Variants in TRPC7 observed in about 807,000 individuals in gnomAD.
The protein encoded by TRPC7 is short transient receptor potential channel 7.
A neutral mutation model predicts 90.1 loss-of-function variants in TRPC7; 42 were observed. The observed-to-expected ratio is 0.47, with a 90% CI of 0.36 to 0.60. TRPC7 has a LOEUF of 0.60. Ranked by LOEUF, TRPC7 falls within the 20% of genes least tolerant of loss-of-function variation. TRPC7 has a pLI of 0.00. For missense variants in TRPC7, 955 were observed against 1,112.3 expected (o/e 0.86, Z 2.01); for synonymous variants, 451 against 436.3 (o/e 1.03, Z -0.42).
chr5:136,340,178 A>T (rs1374024065), intron 2 of TRPC7, among the ~76,000 whole-genome samples: 1 of 152,226 alleles, frequency 6.6e-6, no homozygotes, highest in Non-Finnish European at 1.5e-5. Context: ...CACAACATGG[A>T]TGAACCTAGA....
At chr5:136,249,046 C>G (rs563491658) in intron 6 of TRPC7, among the ~76,000 whole-genome samples, 16 of 152,174 alleles carry the variant, frequency 1.1e-4, no homozygotes, top group Non-Finnish European at 2.1e-4. Flanking sequence ...ATTGAGAAAC[C>G]TAAATTAGCA....
At chr5:136,341,705 A>T (rs1330119951) in intron 2 of TRPC7, among the ~76,000 whole-genome samples, 1 of 152,228 alleles carries the variant, frequency 6.6e-6, no homozygotes, top group East Asian at 1.9e-4. Context: ...TTTATCCCTT[A>T]TTCCTGTACA....
At chr5:136,288,651 C>T (rs1259454524) in intron 3 of TRPC7, among the ~76,000 whole-genome samples, 3 of 152,198 alleles carry the variant, frequency 2.0e-5, no homozygotes, top group Non-Finnish European at 2.9e-5. Flanking sequence ...TTCTTAACTG[C>T]TACTCCACAC....
intron 2 of TRPC7, among the ~76,000 whole-genome samples, chr5:136,335,669 C>T (rs1759632232): frequency 6.6e-6 from 1 of 151,678 alleles, no homozygotes; most frequent in East Asian, 2.0e-4. Flanking sequence ...TTTGGGAGGC[C>T]GAGACGGGCA....
At chr5:136,358,049 C>T (rs2673929) in intron 1 of TRPC7, among the ~76,000 whole-genome samples, 33,049 of 152,036 alleles carry the variant, frequency 0.22, 4,242 homozygotes, top group African/African-American at 0.34. Flanking sequence ...CACACGTGTC[C>T]GTTTCTACAT....
chr5:136,226,430 T>C (rs897288132), intron 8 of TRPC7, 175 bp from the exon 9 acceptor site: 3 of 600,036 alleles, frequency 5.0e-6, no homozygotes, highest in African/African-American at 3.7e-5. Context: ...ACTAAAACCA[T>C]GCACAATGGT....
intron 3 of TRPC7, among the ~76,000 whole-genome samples, chr5:136,292,719 G>A (rs1758005040): frequency 6.6e-6 from 1 of 152,104 alleles, no homozygotes; most frequent in African/African-American, 2.4e-5. Flanking sequence ...AGAGGTACAA[G>A]GAGGAGCTGG....
At chr5:136,325,973 C>T (rs1471827479) in intron 2 of TRPC7, among the ~76,000 whole-genome samples, 3 of 152,208 alleles carry the variant, frequency 2.0e-5, no homozygotes, top group Non-Finnish European at 4.4e-5. Flanking sequence ...GGATTGGTTG[C>T]AGGCCAAGGC....
intron 3 of TRPC7, among the ~76,000 whole-genome samples, chr5:136,306,651 C>T (rs1758641392): frequency 6.6e-6 from 1 of 152,158 alleles, no homozygotes; most frequent in African/African-American, 2.4e-5. Context: ...TGAAGATCCA[C>T]AAAAGAGGTA....
At chr5:136,327,973 C>A (rs894946486) in intron 2 of TRPC7, among the ~76,000 whole-genome samples, 1 of 152,178 alleles carries the variant, frequency 6.6e-6, no homozygotes, top group Non-Finnish European at 1.5e-5. Flanking sequence ...AGAACCTGAG[C>A]CTAGTGCTCG....
intron 3 of TRPC7, among the ~76,000 whole-genome samples, 173 bp from the exon 4 acceptor site, chr5:136,275,010 G>C (rs1757317767): frequency 6.6e-6 from 1 of 152,144 alleles, no homozygotes; most frequent in African/African-American, 2.4e-5. Context: ...CTTCTGACTT[G>C]GGGATGCTAA....
At chr5:136,262,179 A>G (rs116184024) in intron 5 of TRPC7, among the ~76,000 whole-genome samples, 3,399 of 152,214 alleles carry the variant, frequency 0.022, 48 homozygotes, top group Middle Eastern at 0.037. Context: ...GTATCCCACA[A>G]TCATCTATTC....
intron 3 of TRPC7, among the ~76,000 whole-genome samples, chr5:136,283,807 C>T (rs564952473): frequency 1.3e-5 from 2 of 152,308 alleles, no homozygotes; most frequent in South Asian, 4.1e-4. Flanking sequence ...CCAACAAAGA[C>T]CCATGTAGAC....
intron 2 of TRPC7, among the ~76,000 whole-genome samples, chr5:136,323,205 G>A (rs972903433): frequency 2.6e-5 from 4 of 152,334 alleles, no homozygotes; most frequent in East Asian, 1.9e-4. Context: ...CTGCTGCCAC[G>A]TGAGACGTGC....
At chr5:136,251,066 C>T (rs114199510) in intron 6 of TRPC7, among the ~76,000 whole-genome samples, 2,930 of 152,282 alleles carry the variant, frequency 0.019, 36 homozygotes, top group Non-Finnish European at 0.028. Context: ...CAATTCCTGG[C>T]ACATAGTAGG....
Position 136,266,451 on chromosome 5 carries a change from T to C in TRPC7, c.1129-15A>G. The C allele has an allele frequency of 6.2e-7, 1 of 1,608,398 alleles. No homozygotes were observed. The highest frequency in any genetic ancestry group is 8.5e-7 in the Non-Finnish European group (1 of 1,176,114). On this transcript the variant is annotated splice_polypyrimidine_tract_variant and intron_variant, in intron 4 of 11. Coordinates refer to ENST00000513104, the MANE Select transcript of TRPC7 (RefSeq NM_020389.3). The stretch of plus-strand genomic sequence containing the variant: ...GTTCGTCCTAGCTGGAAAGAAAATG[T>C]GTTCAAGACATGTTAAACTGTCTCT...
At chr5:136,253,188 G>T (rs1756580783) in intron 5 of TRPC7, among the ~76,000 whole-genome samples, 1 of 152,116 alleles carries the variant, frequency 6.6e-6, no homozygotes, top group Non-Finnish European at 1.5e-5. Flanking sequence ...TCACCTATTT[G>T]TCTTTATAAT....
At position 136,226,267 on chromosome 5, in the gene TRPC7, G is replaced by A; in HGVS notation, c.2041-12C>T. On this transcript the variant is annotated splice_polypyrimidine_tract_variant and intron_variant, in intron 8 of 11. Coordinates refer to ENST00000513104, the MANE Select transcript of TRPC7 (RefSeq NM_020389.3). ...ACATCTGCATCCTCCTGTGGAACAA[G>A]GGAAACAACAACACACCCTCAAAGG... 1 of 1,547,280 alleles carries A rather than the reference G, an allele frequency of 6.5e-7. No individual in the cohort carries two copies. The highest frequency in any genetic ancestry group is 8.7e-7 in the Non-Finnish European group (1 of 1,143,238).
At chr5:136,306,259 G>A (rs1331299808) in intron 3 of TRPC7, among the ~76,000 whole-genome samples, 1 of 152,064 alleles carries the variant, frequency 6.6e-6, no homozygotes, top group African/African-American at 2.4e-5. Flanking sequence ...ATATGTCCTA[G>A]GTCCTCCTAA....
Sources: gnomAD v4.1 joint callset for allele counts (sites outside exome capture counted in the v4.1 genomes callset) on GRCh38, gnomAD v4.1.1 for gene constraint, MANE v1.5 for transcripts, NCBI Gene and HGNC (gene_info 2026-07-23, HGNC 2026-07-21) for gene names.